The following SAMD3 variants were observed in gnomAD, a reference collection of about 807,000 sequenced individuals.
The protein encoded by SAMD3 is sterile alpha motif domain-containing protein 3.
SAMD3 carries 63 observed loss-of-function variants against 58.5 expected under a neutral mutation model. The observed-to-expected ratio is 1.08, with a 90% CI of 0.88 to 1.33. SAMD3 has a LOEUF of 1.33. Ranked by LOEUF, SAMD3 falls within the 40% of genes most tolerant of loss-of-function variation. The pLI is 0.00. For missense variants in SAMD3, 604 were observed against 608.4 expected (o/e 0.99, Z 0.08); for synonymous variants, 220 against 210.3 (o/e 1.05, Z -0.40).
chr6:130,325,036 G>A (rs926343250), intron 1 of SAMD3, among the ~76,000 whole-genome samples: 24 of 146,404 alleles, frequency 1.6e-4, no homozygotes, highest in African/African-American at 6.4e-4. Context: ...AATACTGCAC[G>A]TACAATTCAG....
intron 5 of SAMD3, among the ~76,000 whole-genome samples, chr6:130,185,085 T>C (rs1792807530): frequency 6.6e-6 from 1 of 152,216 alleles, no homozygotes; most frequent in Non-Finnish European, 1.5e-5. Flanking sequence ...AAGATCCACC[T>C]AATTTAGTTT....
chr6:130,153,647 C>CATATATATATATATAT (rs1196709383), intron 9 of SAMD3, among the ~76,000 whole-genome samples: 56 of 96,704 alleles, frequency 5.8e-4, no homozygotes, highest in East Asian at 4.3e-3. Context: ...CATTAAATTT[C>CATATATATATATATAT]ATATATATAT....
chr6:130,275,448 C>G (rs1774741151), intron 2 of SAMD3, among the ~76,000 whole-genome samples: 1 of 152,092 alleles, frequency 6.6e-6, no homozygotes, highest in Non-Finnish European at 1.5e-5. Context: ...ATCTATTTGT[C>G]TCAACTCCCA....
chr6:130,232,179 C>T (rs1796567185), intron 2 of SAMD3, among the ~76,000 whole-genome samples: 2 of 152,060 alleles, frequency 1.3e-5, no homozygotes, highest in South Asian at 4.2e-4. Context: ...TGTCCACTGT[C>T]TGGGGAATTC....
intron 1 of SAMD3, among the ~76,000 whole-genome samples, chr6:130,316,187 A>G (rs1482414595): frequency 1.3e-5 from 2 of 150,162 alleles, no homozygotes; most frequent in African/African-American, 4.9e-5. Context: ...GCTACTCGCG[A>G]GGCTGAGGCA....
At chr6:130,359,407 C>G (rs1777923711) in intron 1 of SAMD3, among the ~76,000 whole-genome samples, 1 of 152,208 alleles carries the variant, frequency 6.6e-6, no homozygotes, top group African/African-American at 2.4e-5. Context: ...TCTCTGAGTG[C>G]ACAATACTGT....
intron 2 of SAMD3, among the ~76,000 whole-genome samples, chr6:130,231,506 G>A (rs972391147): frequency 1.1e-4 from 17 of 152,142 alleles, no homozygotes; most frequent in African/African-American, 3.1e-4. Context: ...GGAGGTTGCC[G>A]TGAGCCAAGA....
At chr6:130,298,053 C>G (rs1775627907) in intron 2 of SAMD3, among the ~76,000 whole-genome samples, 2 of 152,112 alleles carry the variant, frequency 1.3e-5, no homozygotes, top group Admixed American at 6.5e-5. Flanking sequence ...GACACTTCAC[C>G]ATATGACCAT....
At chr6:130,283,116 G>T (rs191156423) in intron 2 of SAMD3, among the ~76,000 whole-genome samples, 111 of 152,194 alleles carry the variant, frequency 7.3e-4, no homozygotes, top group Admixed American at 2.7e-3. Context: ...ATAATTTCTA[G>T]AAATAAAAAA....
intron 1 of SAMD3, among the ~76,000 whole-genome samples, chr6:130,364,686 C>A (rs1451576276): frequency 6.6e-6 from 1 of 151,848 alleles, no homozygotes; most frequent in Non-Finnish European, 1.5e-5. Flanking sequence ...ACCGTAACTC[C>A]TTTAGTTTTC....
intron 2 of SAMD3, among the ~76,000 whole-genome samples, chr6:130,234,042 C>T (rs960376657): frequency 6.6e-6 from 1 of 152,184 alleles, no homozygotes; most frequent in Non-Finnish European, 1.5e-5. Context: ...AATTGCCAAA[C>T]TGCCCTCCAT....
At chr6:130,257,415 A>G (rs2114917571) in intron 2 of SAMD3, among the ~76,000 whole-genome samples, 1 of 152,336 alleles carries the variant, frequency 6.6e-6, no homozygotes, top group East Asian at 1.9e-4. Context: ...AAGGCATTTT[A>G]GTAATAACAG....
intron 8 of SAMD3, among the ~76,000 whole-genome samples, chr6:130,155,262 T>C (rs1423593533): frequency 6.6e-6 from 1 of 152,240 alleles, no homozygotes. Context: ...GTTACTTTAA[T>C]TCCTACGTTA....
At chr6:130,317,590 G>T (rs553162237) in intron 1 of SAMD3, among the ~76,000 whole-genome samples, 1 of 152,196 alleles carries the variant, frequency 6.6e-6, no homozygotes, top group Non-Finnish European at 1.5e-5. Flanking sequence ...AGGATGAGTT[G>T]TTTTTGTAGA....
chr6:130,329,485 A>G (rs1296818708), intron 1 of SAMD3, among the ~76,000 whole-genome samples: 1 of 152,172 alleles, frequency 6.6e-6, no homozygotes, highest in Non-Finnish European at 1.5e-5. Flanking sequence ...AATTATTTCA[A>G]CCATTGTGGA....
At chr6:130,299,521 A>T (rs72990386) in intron 2 of SAMD3, among the ~76,000 whole-genome samples, 2 of 152,224 alleles carry the variant, frequency 1.3e-5, no homozygotes, top group Admixed American at 1.3e-4. Context: ...AGAGATCTCA[A>T]ATTAACAACC....
intron 2 of SAMD3, among the ~76,000 whole-genome samples, chr6:130,263,916 A>G (rs1774236692): frequency 6.6e-6 from 1 of 152,198 alleles, no homozygotes; most frequent in Non-Finnish European, 1.5e-5. Flanking sequence ...ACTAAAGAGC[A>G]AGGATGGACT....
intron 8 of SAMD3, among the ~76,000 whole-genome samples, chr6:130,155,973 T>C (rs910565064): frequency 1.3e-5 from 2 of 152,094 alleles, no homozygotes; most frequent in African/African-American, 4.8e-5. Flanking sequence ...AAGAAAGACT[T>C]GAGGGTTTTA....
intron 2 of SAMD3, among the ~76,000 whole-genome samples, chr6:130,307,833 C>T (rs1176269672): frequency 1.3e-5 from 2 of 152,136 alleles, no homozygotes; most frequent in Non-Finnish European, 2.9e-5. Context: ...GAGGGTTTAG[C>T]ATCTATAGAA....
Sources: allele counts gnomAD v4.1 joint callset (sites outside exome capture counted in the v4.1 genomes callset), GRCh38; gene constraint gnomAD v4.1.1; transcripts MANE v1.5; gene names NCBI Gene and HGNC (gene_info 2026-07-23, HGNC 2026-07-21).